DDR2: variants seen among roughly 807,000 people sequenced by gnomAD.
DDR2 encodes the protein discoidin domain-containing receptor 2.
Under a neutral mutation model 94.9 loss-of-function variants are expected in DDR2, and 27 were observed. The observed-to-expected ratio is 0.28, with a 90% CI of 0.21 to 0.39. The LOEUF (loss-of-function observed/expected upper bound fraction) is 0.39, where lower values mean the gene tolerates loss of function less well. Ranked by LOEUF, DDR2 falls within the 10% of genes least tolerant of loss-of-function variation. DDR2 has a pLI of 1.00. For missense variants in DDR2, 783 were observed against 1,076.0 expected (o/e 0.73, Z 3.81); for synonymous variants, 382 against 377.2 (o/e 1.01, Z -0.15).
At chr1:162,652,054 T>A (rs1384817060) in intron 1 of DDR2, among the ~76,000 whole-genome samples, 1 of 152,250 alleles carries the variant, frequency 6.6e-6, no homozygotes, top group Non-Finnish European at 1.5e-5. Flanking sequence ...GTTGAAAACA[T>A]GCACTTTGGC....
At chr1:162,662,685 A>G (rs1179285416) in intron 2 of DDR2, among the ~76,000 whole-genome samples, 1 of 152,212 alleles carries the variant, frequency 6.6e-6, no homozygotes, top group African/African-American at 2.4e-5. Flanking sequence ...AATGAAGGTG[A>G]TAAAAACATG....
At chr1:162,750,952 G>T (rs975891203) in intron 3 of DDR2, among the ~76,000 whole-genome samples, 5 of 152,170 alleles carry the variant, frequency 3.3e-5, no homozygotes, top group African/African-American at 1.2e-4. Context: ...TACGTAGAAA[G>T]CTGAAATTCG....
chr1:162,645,572 A>C (rs1410507060), intron 1 of DDR2, among the ~76,000 whole-genome samples: 1 of 152,228 alleles, frequency 6.6e-6, no homozygotes, highest in Non-Finnish European at 1.5e-5. Flanking sequence ...AAAGATAGAC[A>C]CAGTAGAACC....
chr1:162,727,796 G>A (rs934980387), intron 3 of DDR2, among the ~76,000 whole-genome samples: 2 of 147,868 alleles, frequency 1.4e-5, no homozygotes, highest in Non-Finnish European at 3.0e-5. Flanking sequence ...CTCCCACTTA[G>A]GCTCATAAAA....
At chr1:162,766,371 G>A (rs754309271) in intron 10 of DDR2, among the ~76,000 whole-genome samples, 6 of 152,150 alleles carry the variant, frequency 3.9e-5, no homozygotes, top group Admixed American at 6.5e-5. Context: ...ACCCATAGTG[G>A]GTATTTCTAA....
At chr1:162,670,283 G>A (rs1430452135) in intron 2 of DDR2, among the ~76,000 whole-genome samples, 1 of 152,096 alleles carries the variant, frequency 6.6e-6, no homozygotes, top group Admixed American at 6.5e-5. Context: ...GCTAATTTTT[G>A]TATTTTTAGT....
chr1:162,756,046 A>G (rs1269436411), intron 7 of DDR2, among the ~76,000 whole-genome samples: 1 of 152,188 alleles, frequency 6.6e-6, no homozygotes, highest in East Asian at 1.9e-4. Flanking sequence ...TAATAGCCAT[A>G]TTTTTGACCC....
Position 162,684,474 on chromosome 1 carries a change from C to G in DDR2, c.-28+29100C>G, listed in dbSNP as rs138370785. Among the ~76,000 whole-genome samples the G allele has an allele frequency of 4.5e-3, 681 of 152,204 alleles. 5 individuals are homozygous for G. Among genetic ancestry groups the G allele is most frequent in the Non-Finnish European group, 7.6e-3 (514 of 68,016 alleles). ...TAATTTATTTTTTCTTCCCAACTAA[C>G]ACCACTAATTCTTTATTTGGACTCC... On this transcript the variant is annotated intron_variant, in intron 2 of 17. Coordinates refer to ENST00000367921, the MANE Select transcript of DDR2 (RefSeq NM_006182.4).
intron 2 of DDR2, among the ~76,000 whole-genome samples, chr1:162,693,225 A>T (rs1660035716): frequency 6.6e-6 from 1 of 152,148 alleles, no homozygotes; most frequent in South Asian, 2.1e-4. Flanking sequence ...TGAGGTTGTT[A>T]TATTTCTGGC....
At chr1:162,696,903 G>T (rs1401902177) in intron 2 of DDR2, among the ~76,000 whole-genome samples, 3 of 152,090 alleles carry the variant, frequency 2.0e-5, no homozygotes, top group African/African-American at 4.8e-5. Context: ...CTTCCCAATT[G>T]TTGGGCCTGG....
At chr1:162,728,784 G>T (rs1384248055) in intron 3 of DDR2, among the ~76,000 whole-genome samples, 1 of 152,016 alleles carries the variant, frequency 6.6e-6, no homozygotes, top group African/African-American at 2.4e-5. Context: ...CTGGTAGCAG[G>T]GTGTGATGAC....
At chr1:162,716,750 T>C (rs1459603951) in intron 2 of DDR2, among the ~76,000 whole-genome samples, 1 of 152,000 alleles carries the variant, frequency 6.6e-6, no homozygotes, top group Non-Finnish European at 1.5e-5. Flanking sequence ...AGTATTATAC[T>C]GCTTAGAAAT....
intron 3 of DDR2, among the ~76,000 whole-genome samples, chr1:162,722,594 C>T (rs1661472389): frequency 6.6e-6 from 1 of 152,140 alleles, no homozygotes; most frequent in South Asian, 2.1e-4. Context: ...TTATACAAAT[C>T]AACAGATGAT....
At chr1:162,696,832 C>T (rs1165222630) in intron 2 of DDR2, among the ~76,000 whole-genome samples, 1 of 152,138 alleles carries the variant, frequency 6.6e-6, no homozygotes, top group Non-Finnish European at 1.5e-5. Context: ...ACCAGCTTCC[C>T]CTGGGCTGGA....
chr1:162,670,010 T>G (rs1326938481), intron 2 of DDR2, among the ~76,000 whole-genome samples: 3 of 151,754 alleles, frequency 2.0e-5, no homozygotes, highest in Admixed American at 2.0e-4. Flanking sequence ...AACACGTTTT[T>G]AAAATTCCTG....
At chr1:162,754,386 A>C (rs757670957) in intron 4 of DDR2, among the ~76,000 whole-genome samples, 1 of 152,210 alleles carries the variant, frequency 6.6e-6, no homozygotes, top group African/African-American at 2.4e-5. Context: ...AGTGAAGGCT[A>C]TGTGTGATCT....
intron 3 of DDR2, among the ~76,000 whole-genome samples, chr1:162,745,199 C>G (rs1022504688): frequency 6.6e-6 from 1 of 152,136 alleles, no homozygotes; most frequent in Non-Finnish European, 1.5e-5. Flanking sequence ...TGTTTCCTAT[C>G]AAGTTGTATG....
intron 3 of DDR2, among the ~76,000 whole-genome samples, chr1:162,725,922 T>C (rs1449839357): frequency 2.6e-5 from 4 of 152,232 alleles, no homozygotes; most frequent in Admixed American, 2.6e-4. Context: ...TAATCTAATC[T>C]TGTACAAATG....
intron 3 of DDR2, among the ~76,000 whole-genome samples, chr1:162,721,373 A>G (rs1558045684): frequency 6.6e-6 from 1 of 152,174 alleles, no homozygotes; most frequent in Non-Finnish European, 1.5e-5. Flanking sequence ...AAAGAGAAAT[A>G]GACTTCTTGC....
Sources: allele counts gnomAD v4.1 joint callset (sites outside exome capture counted in the v4.1 genomes callset), GRCh38; gene constraint gnomAD v4.1.1; transcripts MANE v1.5; gene names NCBI Gene and HGNC (gene_info 2026-07-23, HGNC 2026-07-21).